ADAMTS20: variants seen among roughly 807,000 people sequenced by gnomAD.
ADAMTS20 encodes the protein A disintegrin and metalloproteinase with thrombospondin motifs 20.
Under a neutral mutation model 260.1 loss-of-function variants are expected in ADAMTS20, and 225 were observed. That is an observed-to-expected ratio of 0.87 (90% CI 0.78 to 0.97). ADAMTS20 has a LOEUF of 0.97. ADAMTS20 is among the 50% of genes least tolerant of loss of function. ADAMTS20 has a pLI of 0.00. For synonymous variants in ADAMTS20, 802 were observed against 769.5 expected, an observed-to-expected ratio of 1.04 and a Z score of -0.70; for missense variants, 2,400 against 2,337.7, an observed-to-expected ratio of 1.03 and a Z score of -0.55.
At chr12:43,400,536 G>C (rs1940789311) in intron 28 of ADAMTS20, among the ~76,000 whole-genome samples, 1 of 151,798 alleles carries the variant, frequency 6.6e-6, no homozygotes, top group Non-Finnish European at 1.5e-5. Flanking sequence ...GAGCACACTT[G>C]GTTCTGTGAA....
intron 11 of ADAMTS20, among the ~76,000 whole-genome samples, chr12:43,456,704 T>C (rs1317160598): frequency 6.6e-6 from 1 of 152,156 alleles, no homozygotes; most frequent in Non-Finnish European, 1.5e-5. Context: ...CTGACACAGA[T>C]AGACCCTACT....
At chr12:43,411,809 T>A (rs1053089208) in intron 28 of ADAMTS20, among the ~76,000 whole-genome samples, 4 of 152,234 alleles carry the variant, frequency 2.6e-5, no homozygotes, top group Non-Finnish European at 4.4e-5. Flanking sequence ...AACTGAGTTT[T>A]ATCCATCATA....
intron 2 of ADAMTS20, among the ~76,000 whole-genome samples, chr12:43,544,301 A>C (rs1343149672): frequency 6.6e-6 from 1 of 152,248 alleles, no homozygotes; most frequent in Admixed American, 6.5e-5. Context: ...ATTTTCCTGC[A>C]TCGAATGACT....
chr12:43,358,587 C>T (rs1939795953), intron 37 of ADAMTS20, among the ~76,000 whole-genome samples: 1 of 151,762 alleles, frequency 6.6e-6, no homozygotes, highest in African/African-American at 2.4e-5. Flanking sequence ...GCCTGTAATC[C>T]CAGCACTTTG....
intron 7 of ADAMTS20, among the ~76,000 whole-genome samples, chr12:43,487,302 T>C (rs1942537725): frequency 6.6e-6 from 1 of 152,034 alleles, no homozygotes; most frequent in Admixed American, 6.6e-5. Flanking sequence ...TTACTCTAAG[T>C]GAAGTTACTC....
intron 11 of ADAMTS20, among the ~76,000 whole-genome samples, chr12:43,455,296 T>C (rs1442544794): frequency 2.0e-5 from 3 of 152,220 alleles, no homozygotes; most frequent in South Asian, 2.1e-4. Flanking sequence ...ATACCCAAGA[T>C]TGGATAATTT....
At chr12:43,383,008 C>G (rs1216998513) in intron 31 of ADAMTS20, among the ~76,000 whole-genome samples, 1 of 152,000 alleles carries the variant, frequency 6.6e-6, no homozygotes, top group Non-Finnish European at 1.5e-5. Flanking sequence ...CTGTATGATC[C>G]ACTTATATAA....
At position 43,532,213 on chromosome 12, in the gene ADAMTS20, A is replaced by G; in HGVS notation, c.454-18T>C. On this transcript the variant is annotated intron_variant, in intron 2 of 38. Coordinates refer to ENST00000389420, the MANE Select transcript of ADAMTS20 (RefSeq NM_025003.5). ...GTTCCCGTCTGAAAATAAAGGAAACAAAAATGAATTTTTCCTAACAGTCGC... is the reference window on the plus strand; with the variant it reads ...GTTCCCGTCTGAAAATAAAGGAAACGAAAATGAATTTTTCCTAACAGTCGC... 1 of 1,583,630 alleles carries G rather than the reference A, an allele frequency of 6.3e-7. No homozygotes were observed. Among genetic ancestry groups the G allele is most frequent in the Non-Finnish European group, 8.6e-7 (1 of 1,166,398 alleles).
intron 29 of ADAMTS20, among the ~76,000 whole-genome samples, chr12:43,387,766 T>C (rs947201781): frequency 6.6e-6 from 1 of 152,008 alleles, no homozygotes; most frequent in Admixed American, 6.6e-5. Flanking sequence ...TCCACCCAAT[T>C]TGAAAAAATG....
chr12:43,378,456 A>C (rs1940277456), intron 31 of ADAMTS20, among the ~76,000 whole-genome samples: 1 of 152,208 alleles, frequency 6.6e-6, no homozygotes, highest in African/African-American at 2.4e-5. Flanking sequence ...ATTTAAATAC[A>C]TGAGGAAATA....
chr12:43,441,973 T>G (rs977908470), intron 16 of ADAMTS20, among the ~76,000 whole-genome samples: 22 of 152,224 alleles, frequency 1.4e-4, no homozygotes, highest in African/African-American at 4.8e-4. Flanking sequence ...GTCTATGACA[T>G]AGACATTCCT....
chr12:43,474,111 AAGAG>A (rs1165002507), intron 7 of ADAMTS20, among the ~76,000 whole-genome samples: 1 of 151,732 alleles, frequency 6.6e-6, no homozygotes, highest in African/African-American at 2.4e-5. Flanking sequence ...TAAAGAAAAA[AAGAG>A]AGCAGAATCA....
In ADAMTS20 at chr12:43,363,780, CAG is replaced by C. The variant is rs1351289058; in HGVS notation, c.5538+5508_5538+5509del. On this transcript the variant is annotated intron_variant, in intron 37 of 38. Coordinates refer to ENST00000389420, the MANE Select transcript of ADAMTS20 (RefSeq NM_025003.5). ...AATGGTAGATAAGATTGAAGTTTAA[CAG>C]AGAGAATCAGGGAATGAGGCAGCTA... is the stretch of plus-strand genomic sequence containing the variant. Among the ~76,000 whole-genome samples the C allele has an allele frequency of 1.4e-4, 22 of 152,226 alleles. No individual in the cohort carries two copies. The South Asian group carries it at 1.7e-3, about 11-fold the overall frequency.
rs1942891643 is a variant in ADAMTS20, at chr12:43,509,388, T to G, written c.614-6983A>C. ...TCAATACAGATCTCAGGGGTTTAAT[T>G]TCATCAGCAATGGAATCAACCATAA... is the stretch of plus-strand genomic sequence containing the variant. On this transcript the variant is annotated intron_variant, in intron 3 of 38. Transcript: ENST00000389420. Among the ~76,000 whole-genome samples, 3 of 152,118 alleles carry G rather than the reference T, an allele frequency of 2.0e-5. No individual in the cohort carries two copies. In the South Asian group the frequency reaches 6.2e-4, roughly 32 times the overall value.
chr12:43,377,489 T>C lies in ADAMTS20; in HGVS notation c.4871A>G (p.His1624Arg), dbSNP rs1940255807. 4 of 1,613,682 alleles carry C rather than the reference T, an allele frequency of 2.5e-6. No homozygotes were observed. The highest frequency in any genetic ancestry group is 3.4e-6 in the Non-Finnish European group (4 of 1,179,764). Reference sequence around the variant, plus strand: ...TATAGGCCGAAGTCGATGGAGCTTATGTTTCTTAGTAGATGGGATCTCGGT... The same window carrying C: ...TATAGGCCGAAGTCGATGGAGCTTACGTTTCTTAGTAGATGGGATCTCGGT... ...YCTEIPSTKK[H>R]KLHRLRPIVY... is the part of the protein sequence containing the mutation. The change falls in exon 32 of 39, where the codon CAT becomes CGT. Residue 1624 changes from histidine (H) to arginine (R), a missense_variant. Coordinates refer to ENST00000389420, the MANE Select transcript of ADAMTS20 (RefSeq NM_025003.5).
At chr12:43,375,335 C>G (rs371601765) in intron 36 of ADAMTS20, 44 bp downstream of exon 36, 1 of 1,592,340 alleles carries the variant, frequency 6.3e-7, no homozygotes, top group African/African-American at 1.4e-5. Flanking sequence ...CGTTCATAAG[C>G]AAATGGAGGC....
chr12:43,464,560 C>T (rs199982747), intron 10 of ADAMTS20, 31 bp downstream of exon 10: 56 of 1,599,894 alleles, frequency 3.5e-5, no homozygotes, highest in Non-Finnish European at 4.2e-5. Flanking sequence ...TGGCAGTTTT[C>T]GAACAAAATA....
chr12:43,375,238 C>A, intron 36 of ADAMTS20, 141 bp downstream of exon 36: 38 of 486,096 alleles, frequency 7.8e-5, no homozygotes, highest in Admixed American at 1.2e-4. Context: ...ATGTAGCTAA[C>A]TGTTTTTAAA....
chr12:43,455,883 ATTT>A (rs1331916684), intron 11 of ADAMTS20, among the ~76,000 whole-genome samples: 3 of 151,962 alleles, frequency 2.0e-5, no homozygotes, highest in Non-Finnish European at 4.4e-5. Flanking sequence ...TAATTTTTGT[ATTT>A]TTAGTAGAGA....
Sources: gnomAD v4.1 joint callset for allele counts (sites outside exome capture counted in the v4.1 genomes callset) on GRCh38, gnomAD v4.1.1 for gene constraint, MANE v1.5 for transcripts, NCBI Gene and HGNC (gene_info 2026-07-23, HGNC 2026-07-21) for gene names.